The following CFAP58 variants were observed in gnomAD, a reference collection of about 807,000 sequenced individuals.
The protein encoded by CFAP58 is cilia- and flagella-associated protein 58.
CFAP58 carries 88 observed loss-of-function variants against 119.5 expected under a neutral mutation model. The ratio of observed to expected loss-of-function variants is 0.74; its 90% CI spans 0.62 to 0.88. The LOEUF (loss-of-function observed/expected upper bound fraction) is 0.88, where lower values mean the gene tolerates loss of function less well. CFAP58 is among the 40% of genes least tolerant of loss of function. CFAP58 has a pLI of 0.00. For synonymous variants in CFAP58, 365 were observed against 366.3 expected, an observed-to-expected ratio of 1.00 and a Z score of 0.04; for missense variants, 990 against 1,021.2, an observed-to-expected ratio of 0.97 and a Z score of 0.42.
In CFAP58 at chr10:104,368,412, A is replaced by T. The variant is rs1258461327; in HGVS notation, c.793-11A>T. On this transcript the variant is annotated splice_polypyrimidine_tract_variant and intron_variant, in intron 5 of 17. Coordinates refer to ENST00000369704, the MANE Select transcript of CFAP58 (RefSeq NM_001008723.2). ...TAAAAAGCATTAACCAGCTCATTCC[A>T]TCCCTTTCAGATATTGAATGAGAGA... The T allele has an allele frequency of 6.2e-7, 1 of 1,613,420 alleles. No homozygotes were observed.
the CFAP58 span, among the ~76,000 whole-genome samples, chr10:104,344,021 G>A: frequency 5.3e-5 from 8 of 152,346 alleles, no homozygotes; most frequent in African/African-American, 1.4e-4. Context: ...GGGATTACAG[G>A]AGTGGGTCAC....
Position 104,403,768 on chromosome 10 carries a change from G to T in CFAP58, c.2079G>T (p.Glu693Asp), listed in dbSNP as rs765799964. The T allele has an allele frequency of 1.2e-6, 2 of 1,612,556 alleles. No homozygotes were observed. The highest frequency in any genetic ancestry group is 3.3e-5 in the Admixed American group (2 of 59,916). Residue 693 changes from glutamate to aspartate, a missense_variant, in exon 14 of 18, where the codon GAG becomes GAT. Physicochemically the swap from Glu to Asp is conservative, Grantham distance 45. Coordinates refer to ENST00000369704, the MANE Select transcript of CFAP58 (RefSeq NM_001008723.2). ...ACATGCAAAGAGAATTGTTGAAGGA[G>T]AGGACACGCTGCCGAGCCCTGGAGG... ...FFHMQRELLK[E>D]RTRCRALEEE...
chr10:104,422,051 G>A (rs373865204), intron 15 of CFAP58, among the ~76,000 whole-genome samples: 3 of 152,242 alleles, frequency 2.0e-5, no homozygotes, highest in Non-Finnish European at 4.4e-5. Flanking sequence ...GCCAGGTGCG[G>A]TGGCACACAC....
chr10:104,373,410 G>C (rs2014849247), intron 7 of CFAP58, among the ~76,000 whole-genome samples: 1 of 152,082 alleles, frequency 6.6e-6, no homozygotes, highest in Admixed American at 6.6e-5. Flanking sequence ...GAGACAGAAG[G>C]ATCGCTTAAG....
Position 104,400,760 on chromosome 10 carries a change from G to A in CFAP58, c.1896G>A (p.Lys632=). ...TAGCTTTGCTCTATGAGAAGATCAAGATCCAACAGTCTGTGCTGAATAAAG... is the reference window on the plus strand; with the variant it reads ...TAGCTTTGCTCTATGAGAAGATCAAAATCCAACAGTCTGTGCTGAATAAAG... ...DELALLYEKI[K]IQQSVLNKGE... The change falls in exon 13 of 18, where the codon AAG becomes AAA. Residue 632 remains lysine (K), a synonymous_variant. Transcript: ENST00000369704. 1 of 1,614,134 alleles carries A rather than the reference G, an allele frequency of 6.2e-7. No homozygotes were observed. Among genetic ancestry groups the A allele is most frequent in the East Asian group, 2.2e-5 (1 of 44,868 alleles).
intron 1 of CFAP58, among the ~76,000 whole-genome samples, chr10:104,354,808 T>C (rs2014520166): frequency 6.6e-6 from 1 of 152,204 alleles, no homozygotes; most frequent in South Asian, 2.1e-4. Context: ...AATGGGGCCT[T>C]TCTGAGCAAG....
chr10:104,392,814 A>G (rs2012075607), intron 10 of CFAP58, among the ~76,000 whole-genome samples: 1 of 151,816 alleles, frequency 6.6e-6, no homozygotes, highest in Non-Finnish European at 1.5e-5. Context: ...TAATTTTTGT[A>G]TTCTTAGTAG....
At chr10:104,419,340 G>A (rs1462188151) in intron 15 of CFAP58, among the ~76,000 whole-genome samples, 4 of 152,064 alleles carry the variant, frequency 2.6e-5, no homozygotes, top group African/African-American at 9.7e-5. Flanking sequence ...TCATGATCCT[G>A]TAACACTCCA....
intron 15 of CFAP58, among the ~76,000 whole-genome samples, chr10:104,424,399 C>G (rs1489379082): frequency 6.6e-6 from 1 of 152,188 alleles, no homozygotes; most frequent in Non-Finnish European, 1.5e-5. Context: ...ATCATTTCCT[C>G]TTACATCCTT....
chr10:104,390,193 A>G (rs2012004515), intron 9 of CFAP58, among the ~76,000 whole-genome samples: 1 of 152,238 alleles, frequency 6.6e-6, no homozygotes, highest in African/African-American at 2.4e-5. Flanking sequence ...TTCCTGTAGC[A>G]TGGTTCAGAG....
Position 104,385,851 on chromosome 10 carries a change from C to T in CFAP58, c.1365+5631C>T, listed in dbSNP as rs890796622. On this transcript the variant is annotated intron_variant, in intron 9 of 17. Transcript: ENST00000369704. ...GACAGGAGACTCTCCGTAGACTTGC[C>T]CTAGAGGAAAGCCCTTTTGTGTGTG... 3.9e-5 allele frequency among the ~76,000 whole-genome samples: 6 copies of T among 152,200 alleles called. No individual in the cohort carries two copies. The East Asian group carries it at 1.2e-3, about 29-fold the overall frequency.
intron 17 of CFAP58, 50 bp from the exon 18 acceptor site, chr10:104,454,372 T>C (rs534780844): frequency 2.0e-5 from 29 of 1,429,560 alleles, no homozygotes; most frequent in Non-Finnish European, 2.7e-5. Context: ...AATGTCAAAC[T>C]TAGACAAAAA....
intron 9 of CFAP58, among the ~76,000 whole-genome samples, chr10:104,381,405 C>T (rs1589915889): frequency 6.6e-6 from 1 of 152,066 alleles, no homozygotes; most frequent in East Asian, 1.9e-4. Context: ...TGGCATAGAG[C>T]AGTGGTCTAG....
chr10:104,436,276 C>T (rs185344549), intron 15 of CFAP58, among the ~76,000 whole-genome samples: 72 of 152,110 alleles, frequency 4.7e-4, no homozygotes, highest in African/African-American at 1.0e-3. Context: ...TATGTATATA[C>T]GATACAATAG....
chr10:104,350,152 G>A (rs2135232536), upstream of CFAP58, among the ~76,000 whole-genome samples: 1 of 152,330 alleles, frequency 6.6e-6, no homozygotes, highest in Middle Eastern at 3.4e-3. Flanking sequence ...AGAAGATCGT[G>A]TCTTCAACTC....
intron 9 of CFAP58, among the ~76,000 whole-genome samples, chr10:104,385,286 A>G (rs923089882): frequency 3.9e-5 from 6 of 152,186 alleles, no homozygotes; most frequent in Admixed American, 2.6e-4. Context: ...CATAGAATGG[A>G]AAGTCTAGAC....
intron 5 of CFAP58, among the ~76,000 whole-genome samples, chr10:104,367,158 C>T (rs983001738): frequency 2.6e-5 from 4 of 152,056 alleles, no homozygotes; most frequent in Admixed American, 6.6e-5. Context: ...CGCACCCAGC[C>T]GACAGGTTTA....
rs2012366721 is a variant in CFAP58 at position 104,406,702 on chromosome 10, A to G, written c.2165A>G (p.Asn722Ser). 5 of 1,614,184 alleles carry G rather than the reference A, an allele frequency of 3.1e-6. No homozygotes were observed. The highest frequency in any genetic ancestry group is 2.5e-6 in the Non-Finnish European group (3 of 1,180,020). The stretch of plus-strand genomic sequence containing the variant: ...CCCCTTGGACAGGCCAGCGACCCCA[A>G]TGCATATGAGCTGATACAGAAAATT... Reference protein sequence around the residue: ...RWRKLEASDPNAYELIQKIHT... With the variant: ...RWRKLEASDPSAYELIQKIHT... The change falls in exon 15 of 18, where the codon AAT (asparagine) becomes AGT (serine). Residue 722 changes from asparagine (N) to serine (S), a missense_variant. Transcript: ENST00000369704.
intron 15 of CFAP58, among the ~76,000 whole-genome samples, chr10:104,441,777 G>A (rs1046731730): frequency 2.0e-5 from 3 of 152,150 alleles, no homozygotes; most frequent in Non-Finnish European, 4.4e-5. Context: ...TAAGGAACTC[G>A]GCTGTGTAAT....
Sources: allele counts gnomAD v4.1 joint callset (sites outside exome capture counted in the v4.1 genomes callset), GRCh38; gene constraint gnomAD v4.1.1; transcripts MANE v1.5; gene names NCBI Gene and HGNC (gene_info 2026-07-23, HGNC 2026-07-21).